Variants in VTI1B observed in about 807,000 individuals in gnomAD.
The protein encoded by VTI1B is vesicle transport through interaction with t-SNAREs homolog 1B.
In VTI1B, 18 loss-of-function variants were observed where a neutral mutation model predicts 28.6. The observed-to-expected ratio is 0.63, with a 90% CI of 0.43 to 0.93. The LOEUF (loss-of-function observed/expected upper bound fraction) is 0.93. VTI1B is among the 40% of genes least tolerant of loss of function. The pLI is 0.00. For missense variants in VTI1B, 283 were observed against 297.0 expected (o/e 0.95, Z 0.35); for synonymous variants, 100 against 107.9 (o/e 0.93, Z 0.46).
chr14:67,658,788 C>T (rs372905581), intron 3 of VTI1B, among the ~76,000 whole-genome samples: 9 of 152,128 alleles, frequency 5.9e-5, no homozygotes, highest in South Asian at 4.1e-4. Context: ...TAATCCCTCG[C>T]GCATCCATTT....
intron 2 of VTI1B, among the ~76,000 whole-genome samples, chr14:67,661,299 A>AAAT (rs2037330942): frequency 7.7e-6 from 1 of 129,920 alleles, no homozygotes; most frequent in Non-Finnish European, 1.7e-5. Flanking sequence ...AAAAAAAAAA[A>AAAT]GTTTTTTTTT....
rs1186822140 is a variant in VTI1B, at chr14:67,667,953, AAAAC to A, written c.116-5422_116-5419del. ...AGCAACACTCCATCTCAAAAAACAA[AAAAC>A]AAACAAACAAAAAAAATGAGGAGTT... On this transcript the variant is annotated intron_variant, in intron 1 of 5. Transcript: ENST00000554659. Among the ~76,000 whole-genome samples, 10 of 152,166 alleles carry A rather than the reference AAAAC, an allele frequency of 6.6e-5. No homozygotes were observed. The South Asian group carries it at 1.7e-3, about 25-fold the overall frequency.
rs1432179004 is a variant in VTI1B at position 67,674,507 on chromosome 14, A to G, written c.-18T>C. On this transcript the variant is annotated 5_prime_UTR_variant, in exon 1 of 6. Transcript: ENST00000554659. Reference sequence around the variant, plus strand: ...GAGGCCATGGCGCAGGCCGCGCTGGAGCAGCGGCCACCGAGATTCGGGGCC... The same window carrying G: ...GAGGCCATGGCGCAGGCCGCGCTGGGGCAGCGGCCACCGAGATTCGGGGCC... 1.3e-6 allele frequency: 2 copies of G among 1,570,662 alleles called. No individual in the cohort carries two copies. Among genetic ancestry groups the G allele is most frequent in the African/African-American group, 1.4e-5 (1 of 72,524 alleles).
rs866779708 is a variant in VTI1B, at chr14:67,650,927, C to A, written c.*458G>T. On this transcript the variant is annotated 3_prime_UTR_variant, in exon 6 of 6. Transcript: ENST00000554659. ...AGCACGTGTGAGAATTTAGGAGACA[C>A]TGTGCACTGACATGTTTCACAACAG... The A allele has an allele frequency of 1.2e-6, 2 of 1,612,906 alleles. No individual in the cohort carries two copies. Among genetic ancestry groups the A allele is most frequent in the Non-Finnish European group, 1.7e-6 (2 of 1,179,278 alleles).
In VTI1B at chr14:67,651,155, G is replaced by T; in HGVS notation, c.*230C>A. The T allele has an allele frequency of 1.0e-6, 1 of 955,960 alleles. No individual in the cohort carries two copies. The highest frequency in any genetic ancestry group is 1.5e-6 in the Non-Finnish European group (1 of 661,258). The allele number at this position is 955,960 out of a possible 1,614,324, so 59.2% of individuals were successfully genotyped here. ...TGCTACAGTACTATGTAAATTTAAA[G>T]AAGTCATAAACAGCATTTATTACCT... On this transcript the variant is annotated 3_prime_UTR_variant, in exon 6 of 6. Coordinates refer to ENST00000554659, the MANE Select transcript of VTI1B (RefSeq NM_006370.3).
rs2037156574 is a variant in VTI1B, at chr14:67,650,353, T to C, written c.*1032A>G. On this transcript the variant is annotated 3_prime_UTR_variant, in exon 6 of 6. Coordinates refer to ENST00000554659, the MANE Select transcript of VTI1B (RefSeq NM_006370.3). ...TCCAGGCAGGCATCTGGAAGGTTCC[T>C]AGTCATACTGGAGGTGGCATACATT... 1 of 289,970 alleles carries C rather than the reference T, an allele frequency of 3.4e-6. No homozygotes were observed. Among genetic ancestry groups the C allele is most frequent in the Non-Finnish European group, 6.6e-6 (1 of 151,716 alleles). The allele number at this position is 289,970 out of a possible 1,614,324, so 18.0% of individuals were successfully genotyped here. A position where few individuals can be genotyped will look rare whatever the true frequency, so the allele number is the denominator to read the frequency against.
Position 67,649,513 on chromosome 14 carries a change from T to C in VTI1B, c.*1872A>G, listed in dbSNP as rs1231344855. 2.6e-5 allele frequency: 4 copies of C among 152,104 alleles called. No homozygotes were observed. The highest frequency in any genetic ancestry group is 9.7e-5 in the African/African-American group (4 of 41,386). The allele number at this position is 152,104 out of a possible 1,614,324, so 9.4% of individuals were successfully genotyped here. A position where few individuals can be genotyped will look rare whatever the true frequency, so the allele number is the denominator to read the frequency against. On this transcript the variant is annotated 3_prime_UTR_variant, in exon 6 of 6. Transcript: ENST00000554659. ...CAATAGTCTGGAAACATAAGTCATG[T>C]ATATATTTCTAATAGTGCAAACTTT...
intron 1 of VTI1B, among the ~76,000 whole-genome samples, chr14:67,662,825 C>CGAA (rs899564390): frequency 2.6e-4 from 40 of 151,332 alleles, no homozygotes; most frequent in Middle Eastern, 6.8e-3. Context: ...AATGCTTGAA[C>CGAA]CCAGGAGGTG....
intron 1 of VTI1B, among the ~76,000 whole-genome samples, chr14:67,667,451 T>C (rs1489023562): frequency 6.6e-6 from 1 of 152,176 alleles, no homozygotes; most frequent in East Asian, 1.9e-4. Context: ...AACCAACCTG[T>C]TTCCTCATCT....
intron 1 of VTI1B, among the ~76,000 whole-genome samples, chr14:67,669,994 C>G (rs995326651): frequency 6.6e-6 from 1 of 152,204 alleles, no homozygotes; most frequent in African/African-American, 2.4e-5. Context: ...ACTCGGGAGG[C>G]TGAGGTGGGA....
intron 1 of VTI1B, among the ~76,000 whole-genome samples, chr14:67,671,861 C>T (rs1263725403): frequency 4.6e-5 from 7 of 152,212 alleles, no homozygotes; most frequent in South Asian, 2.1e-4. Context: ...ACTCTCTCAA[C>T]AACCAAGCCA....
chr14:67,660,461 C>A (rs1663004958), intron 2 of VTI1B, among the ~76,000 whole-genome samples: 1 of 152,150 alleles, frequency 6.6e-6, no homozygotes, highest in Admixed American at 6.5e-5. Flanking sequence ...TCTTCAAATT[C>A]TCTCAGCTCT....
Position 67,662,552 on chromosome 14 carries a change from A to C in VTI1B, c.116-17T>G. ...TCTTTTCTTCTAGAAAAGATAGATAAGTTTCAAATGCTTATTACTGTTTCC... is the reference window on the plus strand; with the variant it reads ...TCTTTTCTTCTAGAAAAGATAGATACGTTTCAAATGCTTATTACTGTTTCC... On this transcript the variant is annotated splice_polypyrimidine_tract_variant and intron_variant, in intron 1 of 5. Transcript: ENST00000554659. 6.3e-7 allele frequency: 1 copy of C among 1,599,038 alleles called. No individual in the cohort carries two copies. Among genetic ancestry groups the C allele is most frequent in the Non-Finnish European group, 8.6e-7 (1 of 1,169,580 alleles).
At chr14:67,663,185 T>A (rs1438116654) in intron 1 of VTI1B, 1 of 1,529,608 alleles carries the variant, frequency 6.5e-7, no homozygotes, top group South Asian at 1.2e-5. Flanking sequence ...AAATTACTAA[T>A]CTCCCCTTTG....
rs763722348 is a variant in VTI1B at position 67,648,022 on chromosome 14, ATTATT to A, written c.*3358_*3362del. ...CAACCAGTTAAGTATTATTTTAAGTATTATTTTATCCTCTTCCTTTTTAGGAGACA... is the reference window on the plus strand; with the variant it reads ...CAACCAGTTAAGTATTATTTTAAGTATTATCCTCTTCCTTTTTAGGAGACA... On this transcript the variant is annotated 3_prime_UTR_variant, in exon 6 of 6. Transcript: ENST00000554659. The A allele has an allele frequency of 1.1e-5, 18 of 1,572,234 alleles. No individual in the cohort carries two copies. The African/African-American group carries it at 2.3e-4, about 20-fold the overall frequency.
chr14:67,668,191 C>G (rs28673191), intron 1 of VTI1B, among the ~76,000 whole-genome samples: 1,540 of 152,172 alleles, frequency 0.01, 34 homozygotes, highest in African/African-American at 0.036. Context: ...TATGACAAAA[C>G]CAAAACTAGA....
rs10483802 is a variant in VTI1B, at chr14:67,650,704, T to C, written c.*681A>G. The stretch of plus-strand genomic sequence containing the variant: ...GGGAACCTGAGGTTTTGTCACACTT[T>C]GTTCTTCCAGGGTTGCTATCAGCAC... On this transcript the variant is annotated 3_prime_UTR_variant, in exon 6 of 6. Transcript: ENST00000554659. The C allele has an allele frequency of 0.06, 97,520 of 1,612,962 alleles. 5,092 individuals carry two copies. The highest frequency in any genetic ancestry group is 0.23 in the East Asian group (10,344 of 44,866).
Position 67,674,603 on chromosome 14 carries a change from C to G in VTI1B, c.-114G>C. On this transcript the variant is annotated 5_prime_UTR_variant, in exon 1 of 6. Transcript: ENST00000554659. ...CATAACGGCGACCGCCGCACCACCG[C>G]CGCCCAGGACGAGGCTCTTCCGGAG... 6 of 789,768 alleles carry G rather than the reference C, an allele frequency of 7.6e-6. No individual in the cohort carries two copies. Among genetic ancestry groups the G allele is most frequent in the Non-Finnish European group, 9.2e-6 (5 of 544,056 alleles). 48.9% of individuals were successfully genotyped at this position (789,768 alleles called of 1,614,324 possible).
chr14:67,658,957 C>T lies in VTI1B; in HGVS notation c.366+774G>A, dbSNP rs146181870. 1.9e-3 allele frequency among the ~76,000 whole-genome samples: 288 copies of T among 152,294 alleles called. 4 individuals carry two copies. Among genetic ancestry groups the T allele is most frequent in the African/African-American group, 6.7e-3 (279 of 41,554 alleles). ...GAGCCTTTCAGTCTGCACTGGTGGG[C>T]CCCTTTCCATTTCTCTGCCATGCTA... On this transcript the variant is annotated intron_variant, in intron 3 of 5. Coordinates refer to ENST00000554659, the MANE Select transcript of VTI1B (RefSeq NM_006370.3).
Sources: allele counts gnomAD v4.1 joint callset (sites outside exome capture counted in the v4.1 genomes callset), GRCh38; gene constraint gnomAD v4.1.1; transcripts MANE v1.5; gene names NCBI Gene and HGNC (gene_info 2026-07-23, HGNC 2026-07-21).